LNX1: variants seen among roughly 807,000 people sequenced by gnomAD.
LNX1 encodes the protein ligand of numb-protein X 1, also known as E3 ubiquitin-protein ligase LNX.
In LNX1, 54 loss-of-function variants were observed where a neutral mutation model predicts 68.4. The ratio of observed to expected loss-of-function variants is 0.79; its 90% CI spans 0.63 to 0.99. The LOEUF (loss-of-function observed/expected upper bound fraction) is 0.99, where lower values mean the gene tolerates loss of function less well. Ranked by LOEUF, LNX1 falls within the 50% of genes least tolerant of loss-of-function variation. The pLI is 0.00. For missense variants in LNX1, 906 were observed against 926.4 expected (o/e 0.98, Z 0.29); for synonymous variants, 336 against 350.0 (o/e 0.96, Z 0.45).
chr4:53,578,571 T>C lies in LNX1; in HGVS notation c.-86-4483A>G, dbSNP rs190470948. 9.6e-4 allele frequency among the ~76,000 whole-genome samples: 146 copies of C among 152,364 alleles called. 1 individual carries two copies. Among genetic ancestry groups the C allele is most frequent in the African/African-American group, 3.3e-3 (138 of 41,588 alleles). ...GACCAACATGTCGTTATGGGGTCCA[T>C]GACTGTAGATATGTCAAAGATCTCT... On this transcript the variant is annotated intron_variant, in intron 1 of 10. Coordinates refer to ENST00000263925, the MANE Select transcript of LNX1 (RefSeq NM_001126328.3).
upstream of LNX1, among the ~76,000 whole-genome samples, chr4:53,621,835 C>A (rs1368776192): frequency 2.0e-5 from 3 of 152,168 alleles, no homozygotes; most frequent in Non-Finnish European, 4.4e-5. Context: ...AGTCTGGTGC[C>A]AGCCAGTGGT....
intron 2 of LNX1, among the ~76,000 whole-genome samples, chr4:53,613,611 A>G (rs1733576575): frequency 6.6e-6 from 1 of 152,104 alleles, no homozygotes. Context: ...CTCCAGCTCC[A>G]CCCATATTCC....
At chr4:53,507,919 A>G in intron 3 of LNX1, 67 bp downstream of exon 3, 1 of 1,547,618 alleles carries the variant, frequency 6.5e-7, no homozygotes, top group Admixed American at 1.9e-5. Context: ...TTTCCACAGT[A>G]AGTATTCCAC....
chr4:53,636,179 C>CTTTTTTTTTTTTT (rs11440722), intron 1 of LNX1, among the ~76,000 whole-genome samples: 1 of 85,248 alleles, frequency 1.2e-5, no homozygotes, highest in Non-Finnish European at 2.1e-5. Flanking sequence ...TCTATTACTC[C>CTTTTTTTTTTTTT]TTTTTTTTTT....
chr4:53,629,602 C>T (rs1387804064), intron 1 of LNX1, among the ~76,000 whole-genome samples: 1 of 152,190 alleles, frequency 6.6e-6, no homozygotes, highest in Admixed American at 6.5e-5. Context: ...GTGGCAAAGC[C>T]ATTTGGCCAT....
At chr4:53,495,191 T>TA (rs1416966138) in intron 6 of LNX1, among the ~76,000 whole-genome samples, 2 of 152,254 alleles carry the variant, frequency 1.3e-5, no homozygotes, top group East Asian at 3.9e-4. Flanking sequence ...TTCTTACAAT[T>TA]ACATATTAAT....
intron 2 of LNX1, among the ~76,000 whole-genome samples, chr4:53,541,359 C>G (rs1252528935): frequency 6.6e-6 from 1 of 152,092 alleles, no homozygotes; most frequent in African/African-American, 2.4e-5. Context: ...AATTATTTCT[C>G]TAAGGAAAAG....
At chr4:53,537,192 G>A (rs754999372) in intron 2 of LNX1, among the ~76,000 whole-genome samples, 1 of 152,208 alleles carries the variant, frequency 6.6e-6, no homozygotes, top group Non-Finnish European at 1.5e-5. Flanking sequence ...AATAAAAAAG[G>A]CAGCTAACTT....
chr4:53,630,702 T>A (rs941730202), intron 1 of LNX1, among the ~76,000 whole-genome samples: 5 of 152,154 alleles, frequency 3.3e-5, no homozygotes, highest in African/African-American at 1.2e-4. Context: ...TTAGATGCGG[T>A]GTATTTAAAT....
At chr4:53,473,210 G>C (rs927885705) in intron 9 of LNX1, among the ~76,000 whole-genome samples, 10 of 152,282 alleles carry the variant, frequency 6.6e-5, no homozygotes, top group African/African-American at 2.4e-4. Flanking sequence ...AGGAAGATGA[G>C]ACAACAGAAG....
At chr4:53,464,745 C>G (rs1216713992) in intron 9 of LNX1, among the ~76,000 whole-genome samples, 3 of 149,852 alleles carry the variant, frequency 2.0e-5, no homozygotes, top group Non-Finnish European at 4.5e-5. Flanking sequence ...GACAATCTCA[C>G]GTAGAAATGT....
chr4:53,554,357 C>T (rs115031027), intron 2 of LNX1, among the ~76,000 whole-genome samples: 6 of 152,200 alleles, frequency 3.9e-5, no homozygotes, highest in Non-Finnish European at 7.3e-5. Context: ...CCCAACATTA[C>T]GAATTGGTTT....
At chr4:53,481,880 C>A in intron 6 of LNX1, 26 bp from the exon 7 acceptor site, 1 of 1,544,614 alleles carries the variant, frequency 6.5e-7, no homozygotes, top group Non-Finnish European at 8.8e-7. Flanking sequence ...CAGGCATTAG[C>A]CACTGTCAGT....
chr4:53,565,977 T>C (rs1181656325), intron 2 of LNX1, among the ~76,000 whole-genome samples: 1 of 152,032 alleles, frequency 6.6e-6, no homozygotes, highest in East Asian at 1.9e-4. Context: ...GAGCAAAGCC[T>C]CCAAGAAATA....
At position 53,606,060 on chromosome 4, in the gene LNX1, G is replaced by T. The variant is rs116743508; in HGVS notation, c.-215+10457C>A. On this transcript the variant is annotated intron_variant, in intron 2 of 3. Coordinates refer to the LNX1 transcript ENST00000504299. ...GGAACTAGATAAACAAGAGCAAACC[G>T]ACACACAGTTAGCAGAAGACAGGAA... 6.1e-3 allele frequency among the ~76,000 whole-genome samples: 920 copies of T among 151,984 alleles called. 5 individuals are homozygous for T. Among genetic ancestry groups the T allele is most frequent in the African/African-American group, 0.021 (864 of 41,444 alleles).
upstream of LNX1, among the ~76,000 whole-genome samples, chr4:53,621,609 G>C (rs1733883153): frequency 6.6e-6 from 1 of 152,202 alleles, no homozygotes; most frequent in South Asian, 2.1e-4. Context: ...TATAACTCCA[G>C]TCAGTTGTCT....
chr4:53,609,126 C>G (rs1733365607), intron 2 of LNX1, among the ~76,000 whole-genome samples: 1 of 152,016 alleles, frequency 6.6e-6, no homozygotes, highest in African/African-American at 2.4e-5. Context: ...CTATCTGATG[C>G]TCAACAAAGT....
In LNX1 at chr4:53,459,935, C is replaced by T. The variant is rs150449377; in HGVS notation, c.*972G>A. 6.0e-5 allele frequency: 13 copies of T among 218,096 alleles called. No homozygotes were observed. The highest frequency in any genetic ancestry group is 2.2e-4 in the African/African-American group (10 of 44,640). The allele number at this position is 218,096 out of a possible 1,614,324, so 13.5% of individuals were successfully genotyped here. A position where few individuals can be genotyped will look rare whatever the true frequency, so the allele number is the denominator to read the frequency against. On this transcript the variant is annotated 3_prime_UTR_variant, in exon 11 of 11. Transcript: ENST00000263925. ...TAAGAGACTCATACATTTTTGATAT[C>T]ACAACTTTTTGATGGCTTTTCAATA... is the stretch of plus-strand genomic sequence containing the variant.
chr4:53,545,936 T>C (rs1239358687), intron 2 of LNX1, among the ~76,000 whole-genome samples: 1 of 151,482 alleles, frequency 6.6e-6, no homozygotes, highest in Non-Finnish European at 1.5e-5. Context: ...ACCTCCTGAG[T>C]AGCTGGTAGT....
Sources: gnomAD v4.1 joint callset for allele counts (sites outside exome capture counted in the v4.1 genomes callset) on GRCh38, gnomAD v4.1.1 for gene constraint, MANE v1.5 for transcripts, NCBI Gene and HGNC (gene_info 2026-07-23, HGNC 2026-07-21) for gene names.